TTC33: variants seen among roughly 807,000 people sequenced by gnomAD.
The protein encoded by TTC33 is tetratricopeptide repeat domain 33.
In TTC33, 24 loss-of-function variants were observed where a neutral mutation model predicts 29.4. The ratio of observed to expected loss-of-function variants is 0.82; its 90% CI spans 0.59 to 1.15. The LOEUF is 1.15. Among genes scored for constraint, TTC33 ranks in the 50% most tolerant of loss-of-function variants. TTC33 has a pLI of 0.00. For missense variants in TTC33, 286 were observed against 310.4 expected, an observed-to-expected ratio of 0.92 and a Z score of 0.59; for synonymous variants, 107 against 100.3, an observed-to-expected ratio of 1.07 and a Z score of -0.40.
intron 4 of TTC33, among the ~76,000 whole-genome samples, chr5:40,724,230 G>A (rs1742226284): frequency 6.6e-6 from 1 of 152,182 alleles, no homozygotes; most frequent in South Asian, 2.1e-4. Flanking sequence ...CAACATGGAT[G>A]GGACTTTGAG....
At position 40,714,901 on chromosome 5, in the gene TTC33, G is replaced by C. The variant is rs1383862212; in HGVS notation, c.*1244C>G. 1 of 152,162 alleles carries C rather than the reference G, an allele frequency of 6.6e-6. No homozygotes were observed. Among genetic ancestry groups the C allele is most frequent in the Admixed American group, 6.6e-5 (1 of 15,266 alleles). 9.4% of individuals were successfully genotyped at this position (152,162 alleles called of 1,614,324 possible). The stretch of plus-strand genomic sequence containing the variant: ...ATACACCAATAGTATCTTCCTGAGT[G>C]TCAGAAGTAACAGAACCCAACAGTT... On this transcript the variant is annotated 3_prime_UTR_variant, in exon 5 of 5. Coordinates refer to ENST00000337702, the MANE Select transcript of TTC33 (RefSeq NM_012382.3).
At chr5:40,731,821 G>A (rs190609664) in intron 2 of TTC33, among the ~76,000 whole-genome samples, 5 of 152,118 alleles carry the variant, frequency 3.3e-5, no homozygotes, top group East Asian at 1.9e-4. Context: ...AAAATGCTCC[G>A]TTCTTCATGA....
chr5:40,740,965 TTA>T (rs1320881855), intron 2 of TTC33, among the ~76,000 whole-genome samples: 1 of 152,194 alleles, frequency 6.6e-6, no homozygotes, highest in Non-Finnish European at 1.5e-5. Flanking sequence ...TCACTCCTCA[TTA>T]TGTTTGTTTC....
chr5:40,713,851 GT>G lies in TTC33; in HGVS notation c.*2293del, dbSNP rs1381499100. Among the ~76,000 whole-genome samples, 21 of 151,846 alleles carry G rather than the reference GT, an allele frequency of 1.4e-4. No homozygotes were observed. The highest frequency in any genetic ancestry group is 4.8e-4 in the African/African-American group (20 of 41,518). ...ATTAAAATTAACAAGCTTAGTCTATGTTTGTATATCAGTATTCACATCCTTG... is the reference window on the plus strand; with the variant it reads ...ATTAAAATTAACAAGCTTAGTCTATGTTGTATATCAGTATTCACATCCTTG... On this transcript the variant is annotated 3_prime_UTR_variant, in exon 5 of 5. Transcript: ENST00000337702.
rs1253791446 is a variant in TTC33 at position 40,751,715 on chromosome 5, T to C, written c.-2+4109A>G. Among the ~76,000 whole-genome samples, 5 of 152,212 alleles carry C rather than the reference T, an allele frequency of 3.3e-5. No homozygotes were observed. In the East Asian group the frequency reaches 9.7e-4, roughly 29 times the overall value. ...GGCTCACACCTGTAATCTCAGCACT[T>C]TGGGGGGCCAAGGCGGAAGGATCAC... On this transcript the variant is annotated intron_variant, in intron 1 of 4. Transcript: ENST00000337702.
intron 4 of TTC33, among the ~76,000 whole-genome samples, chr5:40,726,587 C>A (rs1742293806): frequency 6.8e-6 from 1 of 146,032 alleles, no homozygotes. Flanking sequence ...AAGAATTTCA[C>A]AGTATTAATG....
At chr5:40,725,115 T>C (rs909255117) in intron 4 of TTC33, among the ~76,000 whole-genome samples, 1 of 151,958 alleles carries the variant, frequency 6.6e-6, no homozygotes, top group Non-Finnish European at 1.5e-5. Context: ...CCCAACATGC[T>C]GGGATTACAG....
intron 1 of TTC33, among the ~76,000 whole-genome samples, chr5:40,749,975 C>A (rs1742864080): frequency 6.6e-6 from 1 of 151,804 alleles, no homozygotes; most frequent in South Asian, 2.1e-4. Context: ...GTAATCCCAG[C>A]TATTCAGGAG....
intron 1 of TTC33, among the ~76,000 whole-genome samples, chr5:40,754,037 A>T (rs1742942389): frequency 6.6e-6 from 1 of 152,218 alleles, no homozygotes; most frequent in Admixed American, 6.5e-5. Flanking sequence ...GGTCATTCAG[A>T]TTCCAATTAC....
chr5:40,736,053 T>A (rs1742543399), intron 2 of TTC33, among the ~76,000 whole-genome samples: 1 of 152,088 alleles, frequency 6.6e-6, no homozygotes, highest in Admixed American at 6.6e-5. Context: ...AGAAACAGAT[T>A]ATATAAAAAT....
chr5:40,754,368 G>C (rs1425848963), intron 1 of TTC33, among the ~76,000 whole-genome samples: 1 of 152,162 alleles, frequency 6.6e-6, no homozygotes, highest in East Asian at 1.9e-4. Flanking sequence ...GCAAGTTCAG[G>C]GATGGAGGGA....
chr5:40,716,882 C>T (rs1230919954), intron 4 of TTC33, among the ~76,000 whole-genome samples: 1 of 152,164 alleles, frequency 6.6e-6, no homozygotes, highest in Non-Finnish European at 1.5e-5. Flanking sequence ...CAGTTTAGAT[C>T]CTAACAATGT....
chr5:40,732,577 A>G (rs755020255), intron 2 of TTC33, among the ~76,000 whole-genome samples: 19 of 151,934 alleles, frequency 1.3e-4, no homozygotes, highest in South Asian at 2.1e-4. Flanking sequence ...TACCCAGAAC[A>G]TTTCTGGGAA....
At chr5:40,747,247 G>A (rs751926973) in intron 1 of TTC33, among the ~76,000 whole-genome samples, 1 of 151,826 alleles carries the variant, frequency 6.6e-6, no homozygotes, top group Admixed American at 6.6e-5. Flanking sequence ...TACTAGAGAC[G>A]GGGTTTCTCC....
chr5:40,716,656 TAA>T (rs1579666300), intron 4 of TTC33, among the ~76,000 whole-genome samples, 158 bp from the exon 5 acceptor site: 1 of 152,156 alleles, frequency 6.6e-6, no homozygotes, highest in Non-Finnish European at 1.5e-5. Context: ...GGTGTTGCCC[TAA>T]ACACTGGGGA....
At chr5:40,739,223 T>C (rs1397852629) in intron 2 of TTC33, among the ~76,000 whole-genome samples, 1 of 152,244 alleles carries the variant, frequency 6.6e-6, no homozygotes, top group Non-Finnish European at 1.5e-5. Flanking sequence ...AAAATTCTTT[T>C]GGCTAGTCTA....
At position 40,715,930 on chromosome 5, in the gene TTC33, A is replaced by G. The variant is rs893428941; in HGVS notation, c.*215T>C. Reference sequence around the variant, plus strand: ...TTATTAATCAAAGACCATTTTACTCAGAATTTTAACCTTGAGAAATATAAA... The same window carrying G: ...TTATTAATCAAAGACCATTTTACTCGGAATTTTAACCTTGAGAAATATAAA... On this transcript the variant is annotated 3_prime_UTR_variant, in exon 5 of 5. Transcript: ENST00000337702. 1.8e-5 allele frequency: 8 copies of G among 432,634 alleles called. No individual in the cohort carries two copies. The highest frequency in any genetic ancestry group is 1.6e-4 in the African/African-American group (8 of 49,272). The allele number at this position is 432,634 out of a possible 1,614,324, so 26.8% of individuals were successfully genotyped here.
chr5:40,746,859 C>G lies in TTC33; in HGVS notation c.160G>C (p.Gly54Arg), dbSNP rs1198098070. ...IKRRKEILLE[G>R]CAEKSKQLKD... ...AGCTGTTTACTTTTCTCAGCACAGCCTTCAAGAAGAATTTCTTTCCTACGT... is the reference window on the plus strand; with the variant it reads ...AGCTGTTTACTTTTCTCAGCACAGCGTTCAAGAAGAATTTCTTTCCTACGT... The change falls in exon 2 of 5, where the codon GGC becomes CGC. Residue 54 changes from glycine (G) to arginine (R), a missense_variant. Coordinates refer to ENST00000337702, the MANE Select transcript of TTC33 (RefSeq NM_012382.3). 6.2e-7 allele frequency: 1 copy of G among 1,614,152 alleles called. No homozygotes were observed. Among genetic ancestry groups the G allele is most frequent in the African/African-American group, 1.3e-5 (1 of 75,052 alleles).
At chr5:40,728,198 C>G (rs186844562) in intron 4 of TTC33, 147 bp downstream of exon 4, 1 of 523,956 alleles carries the variant, frequency 1.9e-6, no homozygotes, top group Non-Finnish European at 3.1e-6. Flanking sequence ...ACAGGAGAAT[C>G]GCTTGAACCC....
Sources: gnomAD v4.1 joint callset for allele counts (sites outside exome capture counted in the v4.1 genomes callset) on GRCh38, gnomAD v4.1.1 for gene constraint, MANE v1.5 for transcripts, NCBI Gene and HGNC (gene_info 2026-07-23, HGNC 2026-07-21) for gene names.